ATRX: variants seen among roughly 807,000 people sequenced by gnomAD.
ATRX encodes the protein chromatin remodeler ATRX.
Under a neutral mutation model 172.6 loss-of-function variants are expected in ATRX, and 12 were observed. The ratio of observed to expected loss-of-function variants is 0.07; its 90% CI spans 0.04 to 0.11. The LOEUF (loss-of-function observed/expected upper bound fraction) is 0.11. ATRX is among the 10% of genes least tolerant of loss of function. The probability of loss-of-function intolerance (pLI) is 1.00; values close to 1 mark genes in which losing one functional copy is unlikely to be tolerated. For synonymous variants in ATRX, 674 were observed against 594.7 expected, an observed-to-expected ratio of 1.13 and a Z score of -1.94; for missense variants, 1,368 against 1,767.4, an observed-to-expected ratio of 0.77 and a Z score of 4.05.
intron 2 of ATRX, among the ~76,000 whole-genome samples, chrX:77,704,024 G>A (rs900771157): frequency 3.6e-5 from 4 of 111,211 alleles, no homozygotes; most frequent in Non-Finnish European, 5.7e-5. Context: ...TGATTATCCC[G>A]TCATCTGCAC....
chrX:77,678,244 CA>C (rs1756369591), intron 9 of ATRX, among the ~76,000 whole-genome samples: 1 of 84,189 alleles, frequency 1.2e-5, no homozygotes, highest in Non-Finnish European at 2.6e-5. Context: ...AAGAGACAGA[CA>C]GAGAGAGAGA....
Position 77,616,008 on chromosome X carries a change from A to T in ATRX, c.5566+605T>A, listed in dbSNP as rs1324005041. 8.0e-6 allele frequency: 6 copies of T among 751,971 alleles called. No individual in the cohort carries two copies. In the African/African-American group the frequency reaches 1.4e-4, roughly 17 times the overall value. The allele number at this position is 751,971 out of a possible 1,213,427, so 62.0% of individuals were successfully genotyped here. ...GACAGACATCTTCAGGCACAGAGAG[A>T]CACAGACACACACACACACACAAAA... On this transcript the variant is annotated intron_variant, in intron 22 of 34. Transcript: ENST00000373344.
At chrX:77,522,175 GA>G in intron 32 of ATRX, 87 bp downstream of exon 32, 1 of 1,121,739 alleles carries the variant, frequency 8.9e-7, no homozygotes, top group Middle Eastern at 2.4e-4. Context: ...TGGAGAATGT[GA>G]TATTTCTGCA....
At chrX:77,510,339 C>T (rs1244936307) in intron 34 of ATRX, among the ~76,000 whole-genome samples, 1 of 108,799 alleles carries the variant, frequency 9.2e-6, no homozygotes, top group Non-Finnish European at 1.9e-5. Context: ...AGACATGCTA[C>T]CTTCAGGTGT....
chrX:77,755,658 G>A (rs951453102), intron 1 of ATRX, among the ~76,000 whole-genome samples: 6 of 111,929 alleles, frequency 5.4e-5, no homozygotes, highest in Admixed American at 1.9e-4. Flanking sequence ...TATCACCAGC[G>A]GAGGCTGGAG....
intron 5 of ATRX, among the ~76,000 whole-genome samples, chrX:77,695,645 C>T (rs1353627242): frequency 1.8e-4 from 20 of 111,272 alleles, no homozygotes; most frequent in Admixed American, 4.8e-4. Context: ...ACTAAGTAAG[C>T]GGTAGGCCCC....
intron 19 of ATRX, among the ~76,000 whole-genome samples, chrX:77,626,401 C>G (rs1003860731): frequency 2.5e-4 from 27 of 109,415 alleles, no homozygotes; most frequent in Admixed American, 7.9e-4. Flanking sequence ...ACTCATGTAA[C>G]CAAATACCAC....
chrX:77,644,621 C>A, intron 15 of ATRX, among the ~76,000 whole-genome samples: 1 of 109,120 alleles, frequency 9.2e-6, no homozygotes. Context: ...GAAAATATGG[C>A]CCAATCAAAA....
At chrX:77,709,603 T>C (rs2073008594) in intron 2 of ATRX, among the ~76,000 whole-genome samples, 1 of 97,312 alleles carries the variant, frequency 1.0e-5, no homozygotes, top group Non-Finnish European at 2.1e-5. Context: ...AATAAATAAA[T>C]ACCAATAAAT....
At chrX:77,598,823 A>T (rs2066561566) in intron 25 of ATRX, among the ~76,000 whole-genome samples, 1 of 112,421 alleles carries the variant, frequency 8.9e-6, no homozygotes, top group Admixed American at 9.4e-5. Flanking sequence ...AGACAGAAAG[A>T]AAACAAAAGA....
chrX:77,533,558 C>T (rs782552097), intron 30 of ATRX, among the ~76,000 whole-genome samples: 22 of 111,393 alleles, frequency 2.0e-4, no homozygotes, highest in African/African-American at 6.5e-4. Context: ...CATGTTCTCA[C>T]TTATAAAGTG....
intron 15 of ATRX, among the ~76,000 whole-genome samples, chrX:77,641,799 G>C (rs927021906): frequency 6.4e-5 from 7 of 109,945 alleles, no homozygotes; most frequent in African/African-American, 2.3e-4. Flanking sequence ...AACAGAGGGG[G>C]GAAAATAAGA....
rs2062754439 is a variant in ATRX, at chrX:77,508,327, AT to A, written c.*23del. The A allele has an allele frequency of 1.7e-6, 2 of 1,204,659 alleles. No homozygotes were observed. The highest frequency in any genetic ancestry group is 2.2e-6 in the Non-Finnish European group (2 of 888,998). On this transcript the variant is annotated 3_prime_UTR_variant, in exon 35 of 35. Coordinates refer to ENST00000373344, the MANE Select transcript of ATRX (RefSeq NM_000489.6). ...AAAAGATCTTTCTATGATTTTAACA[AT>A]CCATTAAGCTTTTAGTGCAAAATCA...
chrX:77,627,150 G>A (rs1242789444), intron 19 of ATRX, among the ~76,000 whole-genome samples: 3 of 110,984 alleles, frequency 2.7e-5, no homozygotes, highest in Non-Finnish European at 5.7e-5. Context: ...GGAGAATGGC[G>A]TGAACCCGGG....
At chrX:77,677,529 T>G (rs1332693420) in intron 9 of ATRX, among the ~76,000 whole-genome samples, 1 of 111,446 alleles carries the variant, frequency 9.0e-6, no homozygotes, top group African/African-American at 3.3e-5. Context: ...ACTATACTTA[T>G]ACACACACAA....
intron 1 of ATRX, among the ~76,000 whole-genome samples, chrX:77,769,576 G>A (rs1231268122): frequency 6.3e-5 from 7 of 110,974 alleles, no homozygotes; most frequent in Non-Finnish European, 1.3e-4. Flanking sequence ...GTGAGCCACC[G>A]TGCCCAGCCC....
chrX:77,785,784 A>ACCCCAT (rs1277782930), intron 1 of ATRX, 198 bp downstream of exon 1: 5 of 31,149 alleles, frequency 1.6e-4, no homozygotes, highest in South Asian at 6.3e-3. Flanking sequence ...ACCTCCCCCC[A>ACCCCAT]CCCCATCCCC....
intron 1 of ATRX, among the ~76,000 whole-genome samples, chrX:77,734,204 C>G (rs1476309390): frequency 1.1e-5 from 1 of 89,467 alleles, no homozygotes; most frequent in Non-Finnish European, 2.2e-5. Flanking sequence ...AAGATTCTGT[C>G]TCAAATACAT....
rs782375802 is a variant in ATRX at position 77,733,240 on chromosome X, T to C, written c.21-15997A>G. Among the ~76,000 whole-genome samples the C allele has an allele frequency of 2.1e-3, 234 of 111,768 alleles. 3 individuals are homozygous for C. The highest frequency in any genetic ancestry group is 7.4e-3 in the African/African-American group (227 of 30,809). On this transcript the variant is annotated intron_variant, in intron 1 of 34. Coordinates refer to ENST00000373344, the MANE Select transcript of ATRX (RefSeq NM_000489.6). ...TGTCCATACTATCCAAAGCAATCTA[T>C]AGATTCAATGCAATCCCTATCAAAA...
Sources: gnomAD v4.1 joint callset for allele counts (sites outside exome capture counted in the v4.1 genomes callset) on GRCh38, gnomAD v4.1.1 for gene constraint, MANE v1.5 for transcripts, NCBI Gene and HGNC (gene_info 2026-07-23, HGNC 2026-07-21) for gene names.